The following SEMA4D variants were observed in gnomAD, a reference collection of about 807,000 sequenced individuals.
SEMA4D encodes the protein semaphorin-4D.
In SEMA4D, 22 loss-of-function variants were observed where a neutral mutation model predicts 74.8. That is an observed-to-expected ratio of 0.29 (90% CI 0.21 to 0.42). The LOEUF (loss-of-function observed/expected upper bound fraction) is 0.42. SEMA4D is among the 10% of genes least tolerant of loss of function. SEMA4D has a pLI of 1.00. For synonymous variants in SEMA4D, 445 were observed against 463.7 expected, an observed-to-expected ratio of 0.96 and a Z score of 0.52; for missense variants, 937 against 1,118.4, an observed-to-expected ratio of 0.84 and a Z score of 2.31.
chr9:89,395,037 C>G (rs796665656), intron 6 of SEMA4D, among the ~76,000 whole-genome samples: 1 of 152,140 alleles, frequency 6.6e-6, no homozygotes, highest in African/African-American at 2.4e-5. Context: ...CACACAGACA[C>G]GTGCACACAC....
chr9:89,383,146 C>T (rs1236829498), intron 13 of SEMA4D, among the ~76,000 whole-genome samples: 1 of 152,144 alleles, frequency 6.6e-6, no homozygotes, highest in African/African-American at 2.4e-5. Flanking sequence ...ACCCACTGGT[C>T]GATGTGGATG....
At chr9:89,433,311 G>T (rs1261288919) in intron 2 of SEMA4D, among the ~76,000 whole-genome samples, 1 of 152,232 alleles carries the variant, frequency 6.6e-6, no homozygotes, top group South Asian at 2.1e-4. Context: ...GGGGCCACCA[G>T]GGGACTTGCT....
At chr9:89,415,591 C>T (rs1317486806) in intron 2 of SEMA4D, among the ~76,000 whole-genome samples, 3 of 152,136 alleles carry the variant, frequency 2.0e-5, no homozygotes, top group African/African-American at 7.2e-5. Flanking sequence ...CCAGAGAGCT[C>T]CCTCACCCCT....
At position 89,399,343 on chromosome 9, in the gene SEMA4D, T is replaced by C. The variant is rs1841689111; in HGVS notation, c.253-5A>G. The C allele has an allele frequency of 1.2e-6, 2 of 1,607,082 alleles. No individual in the cohort carries two copies. Among genetic ancestry groups the C allele is most frequent in the Non-Finnish European group, 1.7e-6 (2 of 1,173,556 alleles). On this transcript the variant is annotated splice_region_variant and splice_polypyrimidine_tract_variant and intron_variant, in intron 4 of 15. Transcript: ENST00000422704. ...TTCTGAGACCTTCCAATACACCTGT[T>C]GGGATAGAGTCCATATCAGTGCATA...
chr9:89,399,011 C>T (rs1841611353), intron 5 of SEMA4D, among the ~76,000 whole-genome samples: 2 of 152,234 alleles, frequency 1.3e-5, no homozygotes, highest in South Asian at 4.1e-4. Flanking sequence ...TTCAGGCCAT[C>T]TGAATACATT....
chr9:89,473,921 TAC>T (rs1861102600), intron 1 of SEMA4D, among the ~76,000 whole-genome samples: 1 of 152,164 alleles, frequency 6.6e-6, no homozygotes, highest in African/African-American at 2.4e-5. Flanking sequence ...GTCAGAGGGC[TAC>T]AGAGACTCCA....
In SEMA4D at chr9:89,391,200, C is replaced by A; in HGVS notation, c.774+64G>T. 4 of 1,535,756 alleles carry A rather than the reference C, an allele frequency of 2.6e-6. No homozygotes were observed. The South Asian group carries it at 3.4e-5, about 13-fold the overall frequency. ...ATTTGAGACGAAGGTCAGGAGCCAC[C>A]CATCATCCAGGCACACTATTGCCAT... On this transcript the variant is annotated intron_variant, in intron 9 of 15. Coordinates refer to ENST00000422704, the MANE Select transcript of SEMA4D (RefSeq NM_001371194.2).
chr9:89,448,937 G>T (rs753201720), intron 2 of SEMA4D, among the ~76,000 whole-genome samples: 1 of 152,196 alleles, frequency 6.6e-6, no homozygotes, highest in Non-Finnish European at 1.5e-5. Flanking sequence ...CCTCCCACGG[G>T]AAGGCAGGAT....
intron 8 of SEMA4D, 52 bp downstream of exon 8, chr9:89,392,371 G>T: frequency 7.5e-7 from 1 of 1,326,842 alleles, no homozygotes; most frequent in Non-Finnish European, 1.1e-6. Context: ...CAACAGGTGT[G>T]CACTCATGAG....
chr9:89,480,060 G>C (rs935405454), intron 1 of SEMA4D, among the ~76,000 whole-genome samples: 2 of 152,134 alleles, frequency 1.3e-5, no homozygotes, highest in East Asian at 1.9e-4. Flanking sequence ...TAGATACAGA[G>C]TTTCCACACA....
intron 2 of SEMA4D, among the ~76,000 whole-genome samples, chr9:89,415,515 C>T (rs1156442744): frequency 6.6e-6 from 1 of 152,142 alleles, no homozygotes; most frequent in African/African-American, 2.4e-5. Flanking sequence ...GAGAGGGAGC[C>T]TTTGGGAGGT....
chr9:89,378,878 C>T lies in SEMA4D; in HGVS notation c.2415G>A (p.Glu805=), dbSNP rs758259833. 6.8e-6 allele frequency: 11 copies of T among 1,614,058 alleles called. No homozygotes were observed. In the Admixed American group the frequency reaches 1.8e-4, roughly 27 times the overall value. Residue 805 remains glutamate, a synonymous_variant, in exon 16 of 16, where the codon GAG becomes GAA. Coordinates refer to ENST00000422704, the MANE Select transcript of SEMA4D (RefSeq NM_001371194.2). ...CGGTGTCCAGGGCTGGCTTGGGGTG[C>T]TCCCCATTCTGCTGGGAGAAGCTCC... The part of the protein sequence containing the change: ...EPGSFSQQNG[E]HPKPALDTGY...
intron 1 of SEMA4D, among the ~76,000 whole-genome samples, chr9:89,476,733 C>T (rs1311095909): frequency 6.6e-6 from 1 of 152,110 alleles, no homozygotes; most frequent in South Asian, 2.1e-4. Context: ...GGACCCTGAC[C>T]GACACAATCA....
rs773346387 is a variant in SEMA4D at position 89,405,342 on chromosome 9, G to A, written c.106+9C>T. On this transcript the variant is annotated intron_variant, in intron 3 of 15. Transcript: ENST00000422704. ...GGCCATCAGCACCCCTGCAGGTTTC[G>A]TCACTCACCTCTGTGCTCCCAGGTG... is the stretch of plus-strand genomic sequence containing the variant. 22 of 1,612,038 alleles carry A rather than the reference G, an allele frequency of 1.4e-5. No individual in the cohort carries two copies. Among genetic ancestry groups the A allele is most frequent in the East Asian group, 8.9e-5 (4 of 44,862 alleles).
At position 89,384,551 on chromosome 9, in the gene SEMA4D, G is replaced by GAC. The variant is rs1837978517; in HGVS notation, c.1446+1814_1446+1815dup. The GAC allele has an allele frequency of 1.0e-5, 6 of 585,636 alleles. No individual in the cohort carries two copies. The South Asian group carries it at 4.5e-4, about 44-fold the overall frequency. The allele number at this position is 585,636 out of a possible 1,614,324, so 36.3% of individuals were successfully genotyped here. On this transcript the variant is annotated intron_variant, in intron 13 of 15. Transcript: ENST00000422704. ...TTGGGAAGATGAAAAGCACCCTGCA[G>GAC]ACAGACAGTGGTAATGGCTGCAAAA...
chr9:89,424,833 G>A (rs546862150), intron 2 of SEMA4D, among the ~76,000 whole-genome samples: 23 of 151,964 alleles, frequency 1.5e-4, no homozygotes, highest in South Asian at 4.2e-4. Flanking sequence ...CTGTGCCCCC[G>A]GCCTTCAGTC....
At chr9:89,460,336 CT>C (rs374368346) in intron 1 of SEMA4D, among the ~76,000 whole-genome samples, 46 of 152,348 alleles carry the variant, frequency 3.0e-4, no homozygotes, top group African/African-American at 9.9e-4. Flanking sequence ...AAGAAAAGCC[CT>C]TTGGCCTAAC....
intron 2 of SEMA4D, among the ~76,000 whole-genome samples, chr9:89,448,458 C>T (rs971484321): frequency 6.6e-6 from 1 of 152,190 alleles, no homozygotes. Flanking sequence ...GGAGGACCCA[C>T]CCTCCCCTGG....
chr9:89,425,592 A>C (rs1222037439), intron 2 of SEMA4D, among the ~76,000 whole-genome samples: 1 of 152,134 alleles, frequency 6.6e-6, no homozygotes, highest in Non-Finnish European at 1.5e-5. Flanking sequence ...CCCAGTGTTC[A>C]AGAGGCCTGG....
Sources: gnomAD v4.1 joint callset for allele counts (sites outside exome capture counted in the v4.1 genomes callset) on GRCh38, gnomAD v4.1.1 for gene constraint, MANE v1.5 for transcripts, NCBI Gene and HGNC (gene_info 2026-07-23, HGNC 2026-07-21) for gene names.